The following FCRL4 variants were observed in gnomAD, a reference collection of about 807,000 sequenced individuals.
The protein encoded by FCRL4 is Fc receptor like 4, also known as Fc receptor-like protein 4.
A neutral mutation model predicts 64.1 loss-of-function variants in FCRL4; 43 were observed. The observed-to-expected ratio is 0.67, with a 90% CI of 0.53 to 0.87. The LOEUF is 0.87. Ranked by LOEUF, FCRL4 falls within the 40% of genes least tolerant of loss-of-function variation. FCRL4 has a pLI of 0.00. For missense variants in FCRL4, 656 were observed against 613.5 expected, an observed-to-expected ratio of 1.07 and a Z score of -0.73; for synonymous variants, 253 against 239.8, an observed-to-expected ratio of 1.05 and a Z score of -0.51.
rs2101675110 is a variant in FCRL4, at chr1:157,578,799, T to C, written c.1331A>G (p.Gln444Arg). 2 of 1,613,928 alleles carry C rather than the reference T, an allele frequency of 1.2e-6. No homozygotes were observed. Among genetic ancestry groups the C allele is most frequent in the Non-Finnish European group, 1.7e-6 (2 of 1,179,916 alleles). The change falls in exon 9 of 12, where the codon CAG (glutamine) becomes CGG (arginine). Residue 444 changes from glutamine to arginine, a missense_variant. By Grantham distance (43) the Gln-to-Arg change is conservative. Coordinates refer to ENST00000271532, the MANE Select transcript of FCRL4 (RefSeq NM_031282.3). Reference sequence around the variant, plus strand: ...AACATACAACGACTGAAGCTCCACCTGGGCAGGGCAGATGGAATGGGAGGA... The same window carrying C: ...AACATACAACGACTGAAGCTCCACCCGGGCAGGGCAGATGGAATGGGAGGA... ...GESSHSICPA[Q>R]VELQSLYVDV...
At chr1:157,581,178 T>C (rs565571022) in intron 7 of FCRL4, among the ~76,000 whole-genome samples, 8 of 152,312 alleles carry the variant, frequency 5.3e-5, no homozygotes, top group African/African-American at 1.4e-4. Context: ...CCATTTATGG[T>C]GGATTTAGGA....
At chr1:157,585,370 CT>C (rs1456509439) in intron 6 of FCRL4, among the ~76,000 whole-genome samples, 4 of 104,072 alleles carry the variant, frequency 3.8e-5, no homozygotes, top group Non-Finnish European at 7.9e-5. Context: ...TTCTTTCTTT[CT>C]TTCTTTCTTT....
chr1:157,592,040 A>G (rs1392419616), intron 2 of FCRL4, among the ~76,000 whole-genome samples: 1 of 152,224 alleles, frequency 6.6e-6, no homozygotes, highest in Non-Finnish European at 1.5e-5. Flanking sequence ...CTGGCTAGCC[A>G]TATGTAGAAA....
chr1:157,575,877 A>C, intron 10 of FCRL4, 147 bp from the exon 11 acceptor site: 1 of 767,302 alleles, frequency 1.3e-6, no homozygotes, highest in African/African-American at 1.7e-5. Flanking sequence ...CCTGCAATAC[A>C]TATGACTTTC....
At chr1:157,579,062 T>C (rs983574956) in intron 8 of FCRL4, among the ~76,000 whole-genome samples, 3 of 152,238 alleles carry the variant, frequency 2.0e-5, no homozygotes, top group Non-Finnish European at 4.4e-5. Context: ...AGCTGTGGTA[T>C]GGACAGGCTG....
At chr1:157,588,219 C>T in intron 3 of FCRL4, 100 bp from the exon 4 acceptor site, 2 of 1,402,842 alleles carry the variant, frequency 1.4e-6, no homozygotes, top group Non-Finnish European at 1.9e-6. Flanking sequence ...CTTTCTTCCA[C>T]AGGATGTAGT....
chr1:157,589,487 G>A (rs776926374), intron 2 of FCRL4, 29 bp from the exon 3 acceptor site: 8 of 1,607,560 alleles, frequency 5.0e-6, no homozygotes, highest in Non-Finnish European at 6.8e-6. Context: ...TAGGTCTGAG[G>A]TGGAGGTGCC....
chr1:157,587,894 C>A lies in FCRL4; in HGVS notation c.533G>T (p.Arg178Ile), dbSNP rs752639258. ...AATTTTAATTATTTTGAAATTTGAT[C>A]TAAATACATCATTCTCGTCTCCATA... is the stretch of plus-strand genomic sequence containing the variant. ...IGYGDENDVFRSNFKIIKIQE... is the reference protein window; with the variant it reads ...IGYGDENDVFISNFKIIKIQE... Residue 178 changes from arginine (R) to isoleucine (I), a missense_variant, in exon 4 of 12, where the codon AGA becomes ATA. Arg to Ile is a moderately conservative substitution (Grantham distance 97). Transcript: ENST00000271532. The A allele has an allele frequency of 3.1e-6, 5 of 1,608,544 alleles. No homozygotes were observed. Among genetic ancestry groups the A allele is most frequent in the Admixed American group, 1.7e-5 (1 of 59,718 alleles).
intron 6 of FCRL4, among the ~76,000 whole-genome samples, chr1:157,585,088 G>C (rs6667963): frequency 0.21 from 31,559 of 152,090 alleles, 4,400 homozygotes; most frequent in East Asian, 0.37. Flanking sequence ...TTTTGGTGGA[G>C]TGAGGCAAGC....
At position 157,585,286 on chromosome 1, in the gene FCRL4, CTCTT is replaced by C. The variant is rs976813226; in HGVS notation, c.1135+878_1135+881del. The stretch of plus-strand genomic sequence containing the variant: ...TCTTTCCTTCCTTTCCTTCCTTTCC[CTCTT>C]TCTTTCTTTCTCTTTCCTCCTTTCC... On this transcript the variant is annotated intron_variant, in intron 6 of 11. Coordinates refer to ENST00000271532, the MANE Select transcript of FCRL4 (RefSeq NM_031282.3). Among the ~76,000 whole-genome samples, 288 of 148,408 alleles carry C rather than the reference CTCTT, an allele frequency of 1.9e-3. 1 individual carries two copies. Among genetic ancestry groups the C allele is most frequent in the African/African-American group, 6.7e-3 (273 of 40,464 alleles).
chr1:157,580,488 G>A, intron 7 of FCRL4, 140 bp from the exon 8 acceptor site: 1 of 859,762 alleles, frequency 1.2e-6, no homozygotes, highest in South Asian at 1.5e-5. Flanking sequence ...TCATGAAAAT[G>A]AGGTGAAAAA....
chr1:157,589,590 A>G lies in FCRL4; in HGVS notation c.53-132T>C, dbSNP rs1020280884. 3 of 1,160,032 alleles carry G rather than the reference A, an allele frequency of 2.6e-6. No homozygotes were observed. In the African/African-American group the frequency reaches 4.6e-5, roughly 18 times the overall value. 71.9% of individuals were successfully genotyped at this position (1,160,032 alleles called of 1,614,324 possible). On this transcript the variant is annotated intron_variant, in intron 2 of 11. Transcript: ENST00000271532. ...GCCCCCGGATGACTTCTGTTTACCCAGGTTGCAGGTGAGCTGTGCTCACCT... is the reference window on the plus strand; with the variant it reads ...GCCCCCGGATGACTTCTGTTTACCCGGGTTGCAGGTGAGCTGTGCTCACCT...
At chr1:157,585,408 T>TTCTTTCTTTC (rs1345901870) in intron 6 of FCRL4, among the ~76,000 whole-genome samples, 2 of 144,904 alleles carry the variant, frequency 1.4e-5, no homozygotes, top group African/African-American at 5.1e-5. Context: ...CTTTCTTTCT[T>TTCTTTCTTTC]TCTTTCTTTC....
chr1:157,583,518 T>A (rs925871572), intron 6 of FCRL4, among the ~76,000 whole-genome samples: 16 of 152,234 alleles, frequency 1.1e-4, no homozygotes, highest in African/African-American at 3.9e-4. Context: ...AAAGATAGGA[T>A]TAGTGCCCTT....
chr1:157,589,405 T>C lies in FCRL4; in HGVS notation c.106A>G (p.Lys36Glu), dbSNP rs188738153. The C allele has an allele frequency of 3.7e-6, 6 of 1,614,164 alleles. No homozygotes were observed. The African/African-American group carries it at 5.3e-5, about 14-fold the overall frequency. Residue 36 changes from lysine (K) to glutamate (E), a missense_variant, in exon 3 of 12, where the codon AAA becomes GAA. Physicochemically the swap from Lys to Glu is moderately conservative, Grantham distance 56 (BLOSUM62 1). Coordinates refer to ENST00000271532, the MANE Select transcript of FCRL4 (RefSeq NM_031282.3). ...SVHPPWTTFFKGERVTLTCNG... is the reference protein window; with the variant it reads ...SVHPPWTTFFEGERVTLTCNG... ...CAAGTCAGAGTCACTCTCTCTCCTTTGAAGAATGTGGTCCATGGAGGATGG... is the reference window on the plus strand; with the variant it reads ...CAAGTCAGAGTCACTCTCTCTCCTTCGAAGAATGTGGTCCATGGAGGATGG...
At chr1:157,589,516 G>A in intron 2 of FCRL4, 58 bp from the exon 3 acceptor site, 1 of 1,583,968 alleles carries the variant, frequency 6.3e-7, no homozygotes, top group Non-Finnish European at 8.6e-7. Context: ...CAGCTGCAGT[G>A]GCTTGTGTGG....
chr1:157,586,908 A>T (rs1652713029), intron 5 of FCRL4, among the ~76,000 whole-genome samples: 1 of 152,214 alleles, frequency 6.6e-6, no homozygotes, highest in South Asian at 2.1e-4. Context: ...ATTGCTACTG[A>T]CCAGGAAAAG....
At chr1:157,579,442 T>G (rs1489913688) in intron 8 of FCRL4, among the ~76,000 whole-genome samples, 1 of 151,992 alleles carries the variant, frequency 6.6e-6, no homozygotes, top group Non-Finnish European at 1.5e-5. Context: ...GTTGGCCTGG[T>G]GCAGTGGCTC....
At chr1:157,575,815 G>C (rs1459125714) in intron 10 of FCRL4, 85 bp from the exon 11 acceptor site, 20 of 1,300,954 alleles carry the variant, frequency 1.5e-5, no homozygotes, top group Non-Finnish European at 2.2e-5. Flanking sequence ...TAGAGTCTGA[G>C]AGCCACTGGG....
Sources: gnomAD v4.1 joint callset for allele counts (sites outside exome capture counted in the v4.1 genomes callset) on GRCh38, gnomAD v4.1.1 for gene constraint, MANE v1.5 for transcripts, NCBI Gene and HGNC (gene_info 2026-07-23, HGNC 2026-07-21) for gene names.